Variants in NAP1L1 observed in about 807,000 individuals in gnomAD.
NAP1L1 encodes nucleosome assembly protein 1 like 1.
NAP1L1 carries 9 observed loss-of-function variants against 58.9 expected under a neutral mutation model. The observed-to-expected ratio is 0.15, with a 90% CI of 0.09 to 0.27. NAP1L1 has a LOEUF of 0.27. NAP1L1 is among the 10% of genes least tolerant of loss of function. The pLI, the probability that NAP1L1 is intolerant of heterozygous loss-of-function variation, is 1.00. For missense variants in NAP1L1, 302 were observed against 458.8 expected (o/e 0.66, Z 3.12); for synonymous variants, 130 against 138.3 (o/e 0.94, Z 0.42).
rs762985965 is a variant in NAP1L1, at chr12:76,045,368, C to T, written c.*3061G>A. On this transcript the variant is annotated 3_prime_UTR_variant, in exon 15 of 15. Coordinates refer to ENST00000618691, the MANE Select transcript of NAP1L1 (RefSeq NM_004537.7). ...ATTAGTTCAATATTTCTACATAGCA[C>T]GATAAGATTTTCAGTTACTTCAAGT... 8 of 151,960 alleles carry T rather than the reference C, an allele frequency of 5.3e-5. No individual in the cohort carries two copies. Among genetic ancestry groups the T allele is most frequent in the Non-Finnish European group, 7.4e-5 (5 of 67,916 alleles). 9.4% of individuals were successfully genotyped at this position (151,960 alleles called of 1,614,324 possible).
chr12:76,059,974 T>G, intron 5 of NAP1L1, 96 bp from the exon 6 acceptor site: 1 of 1,214,096 alleles, frequency 8.2e-7, no homozygotes, highest in East Asian at 2.4e-5. Context: ...ATTTAACAAA[T>G]GCATACCACA....
chr12:76,080,818 A>G (rs761318576), intron 1 of NAP1L1, among the ~76,000 whole-genome samples: 15 of 152,252 alleles, frequency 9.9e-5, no homozygotes, highest in Non-Finnish European at 1.5e-5. Flanking sequence ...GGGGTCTTTA[A>G]GAAGTGATTG....
rs1347180746 is a variant in NAP1L1, at chr12:76,046,561, T to A, written c.*1868A>T. ...TGAAAATAAAGAAAAAAAGCTATTA[T>A]AATTGGTTAAGGATTTCCAGTAGTA... is the stretch of plus-strand genomic sequence containing the variant. On this transcript the variant is annotated 3_prime_UTR_variant, in exon 15 of 15. Coordinates refer to ENST00000618691, the MANE Select transcript of NAP1L1 (RefSeq NM_004537.7). The A allele has an allele frequency of 6.6e-6, 1 of 152,358 alleles. No homozygotes were observed. The highest frequency in any genetic ancestry group is 2.4e-5 in the African/African-American group (1 of 41,422). 9.4% of individuals were successfully genotyped at this position (152,358 alleles called of 1,614,324 possible).
chr12:76,049,709 C>A (rs778991404), intron 13 of NAP1L1, 47 bp downstream of exon 13: 2 of 1,606,304 alleles, frequency 1.2e-6, no homozygotes, highest in South Asian at 2.2e-5. Context: ...ATTTGCTTCT[C>A]AATGTGTTAA....
Position 76,037,216 on chromosome 12 carries a change from C to T in NAP1L1, c.*11213G>A, listed in dbSNP as rs1174093748. On this transcript the variant is annotated 3_prime_UTR_variant, in exon 15 of 15. Coordinates refer to ENST00000618691, the MANE Select transcript of NAP1L1 (RefSeq NM_004537.7). ...TTGAGTTGAAAACGTTAAGTATTAA[C>T]ACAGAACTATCCAGACTTCTTAGGT... The T allele has an allele frequency of 6.6e-6, 1 of 152,218 alleles. No individual in the cohort carries two copies. The highest frequency in any genetic ancestry group is 1.5e-5 in the Non-Finnish European group (1 of 68,038). 9.4% of individuals were successfully genotyped at this position (152,218 alleles called of 1,614,324 possible). A position where few individuals can be genotyped will look rare whatever the true frequency, so the allele number is the denominator to read the frequency against.
chr12:76,065,578 A>G (rs1949624342), intron 4 of NAP1L1, among the ~76,000 whole-genome samples: 2 of 152,116 alleles, frequency 1.3e-5, no homozygotes, highest in African/African-American at 4.8e-5. Context: ...GAACAGCCAA[A>G]CAGAAAATAC....
chr12:76,052,149 A>G (rs1948869728), intron 11 of NAP1L1, among the ~76,000 whole-genome samples: 3 of 152,214 alleles, frequency 2.0e-5, no homozygotes, highest in Admixed American at 2.0e-4. Flanking sequence ...ACATAATCTA[A>G]TAAATAGAAA....
chr12:76,077,995 A>AG (rs1555186809), intron 1 of NAP1L1, among the ~76,000 whole-genome samples: 4 of 150,824 alleles, frequency 2.7e-5, no homozygotes, highest in East Asian at 3.9e-4. Flanking sequence ...AAAAAAAAAA[A>AG]AAAAAAGGAA....
At chr12:76,079,289 G>A (rs1565751317) in intron 1 of NAP1L1, among the ~76,000 whole-genome samples, 2 of 152,150 alleles carry the variant, frequency 1.3e-5, no homozygotes. Context: ...ACTTTGGAAG[G>A]CTGGGGCAGG....
intron 11 of NAP1L1, among the ~76,000 whole-genome samples, chr12:76,050,867 C>G (rs1453342779): frequency 6.6e-6 from 1 of 151,854 alleles, no homozygotes; most frequent in East Asian, 1.9e-4. Context: ...AAAAAATAAA[C>G]AATTAACTGG....
chr12:76,070,493 G>T (rs1949904831), intron 2 of NAP1L1, among the ~76,000 whole-genome samples: 1 of 152,152 alleles, frequency 6.6e-6, no homozygotes, highest in African/African-American at 2.4e-5. Flanking sequence ...CAGATAACTG[G>T]AGCATCTCCT....
chr12:76,068,739 C>CACAT, intron 3 of NAP1L1, 170 bp downstream of exon 3: 1 of 370,484 alleles, frequency 2.7e-6, no homozygotes, highest in Non-Finnish European at 4.9e-6. Context: ...GCCCCTTACA[C>CACAT]ACACACACAC....
chr12:76,060,972 G>C (rs774840395), intron 4 of NAP1L1: 3 of 369,422 alleles, frequency 8.1e-6, no homozygotes, highest in South Asian at 6.0e-5. Context: ...GCATGCCTGT[G>C]GTCCCAGCCA....
intron 11 of NAP1L1, among the ~76,000 whole-genome samples, chr12:76,051,455 C>A (rs1198047540): frequency 6.6e-6 from 1 of 152,116 alleles, no homozygotes; most frequent in Non-Finnish European, 1.5e-5. Flanking sequence ...AAAGACAGTA[C>A]CCAAACAGCT....
At position 76,051,279 on chromosome 12, in the gene NAP1L1, A is replaced by G. The variant is rs1216541586; in HGVS notation, c.937-626T>C. On this transcript the variant is annotated intron_variant, in intron 11 of 14. Coordinates refer to ENST00000618691, the MANE Select transcript of NAP1L1 (RefSeq NM_004537.7). ...ATAAATACATAAAAGCAACTGTTAC[A>G]TGTCCGCAATTTTCCTTTTAAAATA... 4.6e-5 allele frequency among the ~76,000 whole-genome samples: 7 copies of G among 152,162 alleles called. No individual in the cohort carries two copies. The South Asian group carries it at 1.2e-3, about 27-fold the overall frequency.
intron 1 of NAP1L1, among the ~76,000 whole-genome samples, chr12:76,076,549 A>AATATATATATATATATATAT (rs58649228): frequency 1.2e-3 from 150 of 120,540 alleles, no homozygotes; most frequent in Non-Finnish European, 1.8e-3. Context: ...TGGATATGGA[A>AATATATATATATATATATAT]ATATATATAT....
At position 76,045,226 on chromosome 12, in the gene NAP1L1, ATT is replaced by A. The variant is rs946430480; in HGVS notation, c.*3201_*3202del. 4.6e-5 allele frequency: 7 copies of A among 152,208 alleles called. No homozygotes were observed. Among genetic ancestry groups the A allele is most frequent in the South Asian group, 2.1e-4 (1 of 4,828 alleles). 9.4% of individuals were successfully genotyped at this position (152,208 alleles called of 1,614,324 possible). On this transcript the variant is annotated 3_prime_UTR_variant, in exon 15 of 15. Transcript: ENST00000618691. ...ATCTATTCTGTACATTTAAAATAAC[ATT>A]TGTTTTGATTTAAAGTCAAAAATAT...
chr12:76,049,860 A>G, intron 12 of NAP1L1, 75 bp from the exon 13 acceptor site: 1 of 1,493,490 alleles, frequency 6.7e-7, no homozygotes, highest in African/African-American at 1.4e-5. Flanking sequence ...AACATTTATC[A>G]CTGTATAAAC....
chr12:76,081,569 C>T (rs1950409807), intron 1 of NAP1L1, among the ~76,000 whole-genome samples: 1 of 151,942 alleles, frequency 6.6e-6, no homozygotes, highest in South Asian at 2.1e-4. Flanking sequence ...CCTGTCTCCA[C>T]AAGGAAAAAA....
Sources: allele counts gnomAD v4.1 joint callset (sites outside exome capture counted in the v4.1 genomes callset), GRCh38; gene constraint gnomAD v4.1.1; transcripts MANE v1.5; gene names NCBI Gene and HGNC (gene_info 2026-07-23, HGNC 2026-07-21).